The following MTMR8 variants were observed in gnomAD, a reference collection of about 807,000 sequenced individuals.
MTMR8 encodes phosphatidylinositol-3,5-bisphosphate 3-phosphatase MTMR8.
A neutral mutation model predicts 39.3 loss-of-function variants in MTMR8; 65 were observed. The ratio of observed to expected loss-of-function variants is 1.65; its 90% CI spans 1.35 to 2.03. The LOEUF is 2.03. MTMR8 is among the 30% of genes most tolerant of loss of function. The probability of loss-of-function intolerance (pLI) is 0.00; values close to 1 mark genes in which losing one functional copy is unlikely to be tolerated. For missense variants in MTMR8, 777 were observed against 538.9 expected, an observed-to-expected ratio of 1.44 and a Z score of -4.37; for synonymous variants, 245 against 185.2, an observed-to-expected ratio of 1.32 and a Z score of -2.62.
intron 8 of MTMR8, among the ~76,000 whole-genome samples, chrX:64,338,987 G>C (rs1923147769): frequency 9.0e-6 from 1 of 111,243 alleles, no homozygotes; most frequent in African/African-American, 3.3e-5. Context: ...TGGTATGTAA[G>C]AAGATTTATG....
chrX:64,324,287 A>C (rs1030752590), intron 12 of MTMR8, among the ~76,000 whole-genome samples: 2 of 111,990 alleles, frequency 1.8e-5, no homozygotes, highest in African/African-American at 6.5e-5. Context: ...ATGTGAGCTC[A>C]GGAGTTTGAG....
At chrX:64,301,506 T>A (rs1348655007) in intron 12 of MTMR8, among the ~76,000 whole-genome samples, 4 of 109,587 alleles carry the variant, frequency 3.7e-5, no homozygotes, top group Non-Finnish European at 1.9e-5. Flanking sequence ...TTTTAACTTC[T>A]TTGCCTTTGG....
chrX:64,368,824 C>A (rs1292940655), intron 1 of MTMR8, among the ~76,000 whole-genome samples: 1 of 112,029 alleles, frequency 8.9e-6, no homozygotes, highest in Non-Finnish European at 1.9e-5. Flanking sequence ...GAACAGGCAA[C>A]CTACAGAATT....
intron 12 of MTMR8, among the ~76,000 whole-genome samples, chrX:64,300,116 T>C (rs1369956444): frequency 9.7e-6 from 1 of 103,148 alleles, no homozygotes; most frequent in African/African-American, 3.6e-5. Context: ...CAGAGCTGAG[T>C]TCAATTCCTG....
intron 1 of MTMR8, among the ~76,000 whole-genome samples, chrX:64,373,838 G>T (rs989962534): frequency 9.0e-6 from 1 of 111,154 alleles, no homozygotes; most frequent in African/African-American, 3.3e-5. Context: ...GTAATAATGG[G>T]AACTTCCTGC....
intron 1 of MTMR8, among the ~76,000 whole-genome samples, chrX:64,371,207 G>A (rs1286051093): frequency 9.9e-5 from 11 of 111,652 alleles, no homozygotes; most frequent in Middle Eastern, 9.3e-3. Flanking sequence ...ATCTTGTAAA[G>A]TATAAATAGC....
chrX:64,304,871 T>C lies in MTMR8; in HGVS notation c.1481+23901A>G, dbSNP rs1313214649. Among the ~76,000 whole-genome samples the C allele has an allele frequency of 6.1e-4, 24 of 39,034 alleles. No individual in the cohort carries two copies. The East Asian group carries it at 0.012, about 19-fold the overall frequency. 33.9% of individuals were successfully genotyped at this position (39,034 alleles called of 115,157 possible). A position where few individuals can be genotyped will look rare whatever the true frequency, so the allele number is the denominator to read the frequency against. Reference sequence around the variant, plus strand: ...GATGGATCAAACATTTATATATATATATATATATATATATATATATATATA... The same window carrying C: ...GATGGATCAAACATTTATATATATACATATATATATATATATATATATATA... On this transcript the variant is annotated intron_variant, in intron 12 of 13. Coordinates refer to ENST00000374852, the MANE Select transcript of MTMR8 (RefSeq NM_017677.4).
intron 13 of MTMR8, among the ~76,000 whole-genome samples, chrX:64,269,498 G>T (rs1931708875): frequency 9.0e-6 from 1 of 110,975 alleles, no homozygotes; most frequent in African/African-American, 3.3e-5. Context: ...GTAAAGAACT[G>T]AGATCTGACC....
chrX:64,354,679 A>G (rs1228698859), intron 4 of MTMR8, 98 bp downstream of exon 4: 3 of 867,786 alleles, frequency 3.5e-6, no homozygotes, highest in Non-Finnish European at 1.6e-6. Flanking sequence ...GGAGAGAGAG[A>G]TTATGAGTCA....
intron 12 of MTMR8, among the ~76,000 whole-genome samples, chrX:64,307,503 C>T (rs947288073): frequency 1.8e-5 from 2 of 111,531 alleles, no homozygotes; most frequent in Admixed American, 1.9e-4. Context: ...ATAATTTAGG[C>T]GTATCTGTGC....
chrX:64,302,360 C>G (rs1280355040), intron 12 of MTMR8, among the ~76,000 whole-genome samples: 1 of 112,275 alleles, frequency 8.9e-6, no homozygotes, highest in Non-Finnish European at 1.9e-5. Flanking sequence ...TTCTTTGATT[C>G]GGAAAGGGAA....
At chrX:64,380,492 T>C (rs1220724377) in intron 1 of MTMR8, among the ~76,000 whole-genome samples, 5 of 112,652 alleles carry the variant, frequency 4.4e-5, no homozygotes, top group Non-Finnish European at 7.5e-5. Context: ...GTGATTCCAT[T>C]GTGTAGCCAT....
rs766538332 is a variant in MTMR8, at chrX:64,337,425, A to G, written c.976-32T>C. On this transcript the variant is annotated intron_variant, in intron 8 of 13. Transcript: ENST00000374852. ...AGACAAGAGGCAAAAAAGTACCACAAGCAACCTTTGCACAGCTTGTTGGAT... is the reference window on the plus strand; with the variant it reads ...AGACAAGAGGCAAAAAAGTACCACAGGCAACCTTTGCACAGCTTGTTGGAT... The G allele has an allele frequency of 1.2e-5, 14 of 1,199,052 alleles. No homozygotes were observed. In the South Asian group the frequency reaches 2.2e-4, roughly 19 times the overall value.
intron 1 of MTMR8, among the ~76,000 whole-genome samples, chrX:64,367,164 G>A (rs182832948): frequency 5.4e-5 from 6 of 111,566 alleles, no homozygotes; most frequent in East Asian, 5.6e-4. Flanking sequence ...ATTCATAGCC[G>A]AATTCTACCA....
intron 12 of MTMR8, among the ~76,000 whole-genome samples, chrX:64,288,910 C>G (rs755611517): frequency 2.9e-4 from 32 of 110,179 alleles, no homozygotes; most frequent in Admixed American, 9.8e-4. Flanking sequence ...GGAGATATAT[C>G]TAATATAAAT....
At chrX:64,345,781 T>A (rs978723999) in intron 6 of MTMR8, among the ~76,000 whole-genome samples, 7 of 110,866 alleles carry the variant, frequency 6.3e-5, no homozygotes, top group Non-Finnish European at 1.3e-4. Flanking sequence ...CCTGGCTAAT[T>A]TTTTTTACAA....
intron 12 of MTMR8, among the ~76,000 whole-genome samples, chrX:64,328,004 G>A (rs776600466): frequency 9.0e-6 from 1 of 111,500 alleles, no homozygotes; most frequent in South Asian, 3.8e-4. Flanking sequence ...AATTTAAAAT[G>A]TAATAGCAAA....
intron 12 of MTMR8, among the ~76,000 whole-genome samples, chrX:64,293,508 G>A (rs1020291301): frequency 8.1e-5 from 9 of 111,268 alleles, no homozygotes; most frequent in African/African-American, 2.9e-4. Context: ...ATTTACTAGG[G>A]TTAGATTACA....
At chrX:64,310,147 C>T (rs897180124) in intron 12 of MTMR8, among the ~76,000 whole-genome samples, 9 of 112,156 alleles carry the variant, frequency 8.0e-5, no homozygotes, top group African/African-American at 2.9e-4. Context: ...GAAACCGTGA[C>T]ACTGCTTTTT....
Sources: gnomAD v4.1 joint callset for allele counts (sites outside exome capture counted in the v4.1 genomes callset) on GRCh38, gnomAD v4.1.1 for gene constraint, MANE v1.5 for transcripts, NCBI Gene and HGNC (gene_info 2026-07-23, HGNC 2026-07-21) for gene names.